Variants in KDM4A observed in about 807,000 individuals in gnomAD.
KDM4A encodes lysine-specific demethylase 4A.
In KDM4A, 23 loss-of-function variants were observed where a neutral mutation model predicts 127.1. That is an observed-to-expected ratio of 0.18 (90% CI 0.13 to 0.26). KDM4A has a LOEUF of 0.26. KDM4A is among the 10% of genes least tolerant of loss of function. The pLI is 1.00. For synonymous variants in KDM4A, 443 were observed against 466.5 expected (o/e 0.95, Z 0.65); for missense variants, 890 against 1,329.1 (o/e 0.67, Z 5.14).
At chr1:43,671,899 G>T (rs769037274) in intron 11 of KDM4A, 24 bp downstream of exon 11, 1 of 1,524,608 alleles carries the variant, frequency 6.6e-7, no homozygotes, top group Non-Finnish European at 8.8e-7. Flanking sequence ...GCAGTGGTGT[G>T]GGGTGGGGAG....
At position 43,694,954 on chromosome 1, in the gene KDM4A, T is replaced by C. The variant is rs1661209503; in HGVS notation, c.2670+60T>C. ...AGTTTTCATGGTCATTTTCTCTGCA[T>C]GTTTTCCATTTGTTGTATCAGCAAC... is the stretch of plus-strand genomic sequence containing the variant. On this transcript the variant is annotated intron_variant, in intron 18 of 21. Coordinates refer to ENST00000372396, the MANE Select transcript of KDM4A (RefSeq NM_014663.3). This position sits in a 1 kb window ranked among gnomAD's most constrained non-coding sequence, Gnocchi z 5.2. 4 of 1,465,226 alleles carry C rather than the reference T, an allele frequency of 2.7e-6. No homozygotes were observed. Among genetic ancestry groups the C allele is most frequent in the Non-Finnish European group, 3.7e-6 (4 of 1,074,566 alleles). 90.8% of individuals were successfully genotyped at this position (1,465,226 alleles called of 1,614,324 possible).
chr1:43,666,874 A>C, intron 7 of KDM4A, 80 bp from the exon 8 acceptor site: 1 of 1,434,188 alleles, frequency 7.0e-7, no homozygotes, highest in East Asian at 2.3e-5. Flanking sequence ...TTACTCAGCT[A>C]AGTTGTGGTG....
intron 6 of KDM4A, chr1:43,666,192 T>G (rs554856237): frequency 4.3e-6 from 2 of 463,958 alleles, no homozygotes; most frequent in Admixed American, 3.9e-5. Flanking sequence ...GTTTCAAAGC[T>G]CTATAAGAAC....
intron 4 of KDM4A, among the ~76,000 whole-genome samples, chr1:43,661,632 A>AAAAAAG (rs1557904896): frequency 3.8e-5 from 4 of 106,054 alleles, no homozygotes; most frequent in East Asian, 3.0e-4. Context: ...AAAAAAAAAA[A>AAAAAAG]AAAAAAAAGA....
intron 11 of KDM4A, among the ~76,000 whole-genome samples, chr1:43,678,325 C>T (rs1660785639): frequency 6.6e-6 from 1 of 151,970 alleles, no homozygotes; most frequent in Non-Finnish European, 1.5e-5. Context: ...AGAACAGTTT[C>T]ACAGTGTGGG....
chr1:43,683,899 T>G, intron 12 of KDM4A, 95 bp downstream of exon 12: 1 of 1,426,408 alleles, frequency 7.0e-7, no homozygotes, highest in Non-Finnish European at 9.6e-7. Flanking sequence ...GGGATAAGGG[T>G]GGGCCTGTGG....
In KDM4A at chr1:43,703,694, T is replaced by C. The variant is rs777766189; in HGVS notation, c.2919T>C (p.Tyr973=). 10 of 1,614,026 alleles carry C rather than the reference T, an allele frequency of 6.2e-6. No homozygotes were observed. The highest frequency in any genetic ancestry group is 2.7e-5 in the African/African-American group (2 of 74,924). Residue 973 remains tyrosine, a synonymous_variant, in exon 20 of 22, where the codon TAT becomes TAC. Coordinates refer to ENST00000372396, the MANE Select transcript of KDM4A (RefSeq NM_014663.3). ...VQVRWTDGQV[Y]GAKFVASHPI... is the part of the protein sequence containing the mutation. ...TGAGATGGACAGACGGCCAAGTCTA[T>C]GGAGCCAAGTTTGTGGCCTCCCACC...
chr1:43,675,349 G>A (rs1660717123), intron 11 of KDM4A, among the ~76,000 whole-genome samples: 1 of 152,198 alleles, frequency 6.6e-6, no homozygotes, highest in Non-Finnish European at 1.5e-5. Context: ...AATCATTCCA[G>A]TACTTAATGA....
chr1:43,698,655 T>C (rs1256481987), intron 19 of KDM4A, among the ~76,000 whole-genome samples: 1 of 152,232 alleles, frequency 6.6e-6, no homozygotes, highest in Non-Finnish European at 1.5e-5. Flanking sequence ...TTTTTTCCTT[T>C]AACAAATCAG....
At position 43,704,798 on chromosome 1, in the gene KDM4A, CGTGCGTGT is replaced by C. The variant is rs1386182014; in HGVS notation, c.*429_*436del. The C allele has an allele frequency of 1.7e-5, 3 of 172,080 alleles. No homozygotes were observed. Among genetic ancestry groups the C allele is most frequent in the African/African-American group, 4.8e-5 (2 of 41,704 alleles). The allele number at this position is 172,080 out of a possible 1,614,324, so 10.7% of individuals were successfully genotyped here. A position where few individuals can be genotyped will look rare whatever the true frequency, so the allele number is the denominator to read the frequency against. ...GTGTGTGTGTGTGCGTGCGTGCGTG[CGTGCGTGT>C]ATGTTTGGTCTGGACCAGCTTCTGC... On this transcript the variant is annotated 3_prime_UTR_variant, in exon 22 of 22. Coordinates refer to ENST00000372396, the MANE Select transcript of KDM4A (RefSeq NM_014663.3).
At chr1:43,702,860 GTC>G (rs1453163832) in intron 19 of KDM4A, 5 of 151,902 alleles carry the variant, frequency 3.3e-5, no homozygotes, top group African/African-American at 1.2e-4. Flanking sequence ...GTGAAACCCC[GTC>G]TCTACTAAAA....
At chr1:43,655,526 T>C (rs925045752) in intron 2 of KDM4A, 65 bp from the exon 3 acceptor site, 2 of 1,439,748 alleles carry the variant, frequency 1.4e-6, no homozygotes, top group Non-Finnish European at 1.9e-6. Context: ...AACTACATGC[T>C]TCCTGGACTC....
At chr1:43,684,575 T>C (rs571049692) in intron 12 of KDM4A, among the ~76,000 whole-genome samples, 1 of 151,424 alleles carries the variant, frequency 6.6e-6, no homozygotes, top group Non-Finnish European at 1.5e-5. Flanking sequence ...CAGGAGGCTG[T>C]AGTCAGAGGA....
intron 3 of KDM4A, among the ~76,000 whole-genome samples, chr1:43,658,292 G>C (rs549502679): frequency 1.3e-5 from 2 of 152,014 alleles, no homozygotes; most frequent in Admixed American, 1.3e-4. Flanking sequence ...GGCTGGTCTC[G>C]AACTGTTGGC....
At chr1:43,703,450 C>A in intron 19 of KDM4A, 167 bp from the exon 20 acceptor site, 1 of 701,442 alleles carries the variant, frequency 1.4e-6, no homozygotes, top group Non-Finnish European at 2.3e-6. Flanking sequence ...TAGGGGCAGA[C>A]TTTGACTTAG....
intron 3 of KDM4A, among the ~76,000 whole-genome samples, chr1:43,657,750 C>CTTT (rs140666245): frequency 5.9e-4 from 69 of 116,426 alleles, no homozygotes; most frequent in African/African-American, 2.3e-3. Flanking sequence ...TTTTTCTTTT[C>CTTT]TTTTTTTTTT....
Position 43,671,504 on chromosome 1 carries a change from GATT to G in KDM4A, c.1367_1369del (p.Tyr456del). On this transcript the variant is annotated inframe_deletion and splice_region_variant, in exon 11 of 22. Transcript: ENST00000372396. ...CTGTCTAATGTGTATGTGTGTTTCA[GATT>G]ATTCTGACTCCACTGAAGTCAAATT... 1 of 1,548,514 alleles carries G rather than the reference GATT, an allele frequency of 6.5e-7. No homozygotes were observed. Among genetic ancestry groups the G allele is most frequent in the Non-Finnish European group, 8.7e-7 (1 of 1,149,156 alleles).
At chr1:43,699,414 T>C in intron 19 of KDM4A, among the ~76,000 whole-genome samples, 1 of 152,148 alleles carries the variant, frequency 6.6e-6, no homozygotes, top group East Asian at 1.9e-4. Flanking sequence ...TGTAATTTAT[T>C]AAGCTGGTAC....
At position 43,688,896 on chromosome 1, in the gene KDM4A, TTC is replaced by T. The variant is rs1396011636; in HGVS notation, c.1856-16_1856-15del. 1 of 1,612,264 alleles carries T rather than the reference TTC, an allele frequency of 6.2e-7. No individual in the cohort carries two copies. Among genetic ancestry groups the T allele is most frequent in the Non-Finnish European group, 8.5e-7 (1 of 1,178,842 alleles). On this transcript the variant is annotated splice_polypyrimidine_tract_variant and intron_variant, in intron 12 of 21. Coordinates refer to ENST00000372396, the MANE Select transcript of KDM4A (RefSeq NM_014663.3). This position sits in a 1 kb window ranked among gnomAD's most constrained non-coding sequence, Gnocchi z 4.4. ...GTGCAGGGTTAGTGCTGACTCACAC[TTC>T]TGTTTCCTCCTCTAGAGACATCTGA...
Sources: allele counts gnomAD v4.1 joint callset (sites outside exome capture counted in the v4.1 genomes callset), GRCh38; gene constraint gnomAD v4.1.1; non-coding constraint Gnocchi (gnomAD v3.1); transcripts MANE v1.5; gene names NCBI Gene and HGNC (gene_info 2026-07-23, HGNC 2026-07-21).